The following PCDHGA5 variants were observed in gnomAD, a reference collection of about 807,000 sequenced individuals.
The protein encoded by PCDHGA5 is protocadherin gamma-A5.
In PCDHGA5, 36 loss-of-function variants were observed where a neutral mutation model predicts 56.7. That is an observed-to-expected ratio of 0.64 (90% CI 0.49 to 0.84). The LOEUF is 0.84. Ranked by LOEUF, PCDHGA5 falls within the 40% of genes least tolerant of loss-of-function variation. PCDHGA5 has a pLI of 0.00. For missense variants in PCDHGA5, 1,305 were observed against 1,201.5 expected, an observed-to-expected ratio of 1.09 and a Z score of -1.27; for synonymous variants, 563 against 520.2, an observed-to-expected ratio of 1.08 and a Z score of -1.12.
chr5:141,507,206 G>A (rs1392293998), intron 3 of PCDHGA5: 2 of 152,376 alleles, frequency 1.3e-5, no homozygotes, highest in African/African-American at 4.8e-5. Flanking sequence ...CCAGATCAGG[G>A]TTGCCAGATA....
chr5:141,485,466 T>C lies in PCDHGA5; in HGVS notation c.2422-9341T>C, dbSNP rs1485922901. ...ATCGACCGAGAGGCACTGTGTGGGC[T>C]CAGTGCCAGCTGCATCGTGCCCCTG... On this transcript the variant is annotated intron_variant, in intron 1 of 3. Transcript: ENST00000518069. The surrounding 1 kb of genome is among the most constrained non-coding windows in gnomAD (Gnocchi z 5.7). 6.2e-7 allele frequency: 1 copy of C among 1,613,868 alleles called. No individual in the cohort carries two copies. Among genetic ancestry groups the C allele is most frequent in the Non-Finnish European group, 8.5e-7 (1 of 1,179,924 alleles).
chr5:141,384,719 T>A (rs758469916), intron 1 of PCDHGA5: 1 of 1,614,100 alleles, frequency 6.2e-7, no homozygotes, highest in Non-Finnish European at 8.5e-7. Context: ...CTGTCATACC[T>A]CCTGCTTAAG....
intron 1 of PCDHGA5, among the ~76,000 whole-genome samples, chr5:141,484,730 G>T (rs1231473842): frequency 6.6e-6 from 1 of 151,728 alleles, no homozygotes; most frequent in Non-Finnish European, 1.5e-5. Context: ...GGGGTCAGTC[G>T]GTGTGTTAGG....
rs185704620 is a variant in PCDHGA5, at chr5:141,396,920, C to T, written c.2421+30169C>T. Among the ~76,000 whole-genome samples the T allele has an allele frequency of 3.3e-5, 5 of 152,316 alleles. No individual in the cohort carries two copies. In the East Asian group the frequency reaches 7.7e-4, roughly 23 times the overall value. ...TATTGGCACTTTGCAATTTTAAAAACTCGGATGAAAGTTGCCCTGGTAGGA... is the reference window on the plus strand; with the variant it reads ...TATTGGCACTTTGCAATTTTAAAAATTCGGATGAAAGTTGCCCTGGTAGGA... On this transcript the variant is annotated intron_variant, in intron 1 of 3. Transcript: ENST00000518069.
chr5:141,427,697 A>G (rs1306378691), intron 1 of PCDHGA5: 3 of 924,392 alleles, frequency 3.2e-6, no homozygotes, highest in South Asian at 1.4e-5. Context: ...CCATCCCACA[A>G]GTCAGCGCCT....
chr5:141,408,082 G>A, intron 1 of PCDHGA5: 1 of 1,417,366 alleles, frequency 7.1e-7, no homozygotes, highest in Non-Finnish European at 9.3e-7. Context: ...TCCCAGCACA[G>A]CGGATTGCCA....
intron 1 of PCDHGA5, chr5:141,440,359 G>T (rs932656332): frequency 5.3e-5 from 8 of 152,106 alleles, no homozygotes; most frequent in Non-Finnish European, 1.2e-4. Context: ...CTAGCTACTC[G>T]GGGGGCCGAG....
At chr5:141,392,837 C>T (rs772636303) in intron 1 of PCDHGA5, 1 of 1,608,294 alleles carries the variant, frequency 6.2e-7, no homozygotes. Context: ...AGAGTCGCCC[C>T]AGACGCGGCG....
At chr5:141,395,004 A>T (rs2093147678) in intron 1 of PCDHGA5, 3 of 1,614,010 alleles carry the variant, frequency 1.9e-6, no homozygotes, top group Non-Finnish European at 2.5e-6. Context: ...TTCCGGTGGC[A>T]GATTGGTAGG....
In PCDHGA5 at chr5:141,476,857, C is replaced by G. The variant is rs201408987; in HGVS notation, c.2422-17950C>G. The G allele has an allele frequency of 3.1e-6, 5 of 1,613,886 alleles. No individual in the cohort carries two copies. Among genetic ancestry groups the G allele is most frequent in the Non-Finnish European group, 4.2e-6 (5 of 1,180,046 alleles). On this transcript the variant is annotated intron_variant, in intron 1 of 3. Coordinates refer to ENST00000518069, the MANE Select transcript of PCDHGA5 (RefSeq NM_018918.3). This position sits in a 1 kb window ranked among gnomAD's most constrained non-coding sequence, Gnocchi z 7.6. Reference sequence around the variant, plus strand: ...ACAATGCGCCTGTCTTCAACCAGTCCTTGTACCGGGCGCGCGTCCTGGAGG... The same window carrying G: ...ACAATGCGCCTGTCTTCAACCAGTCGTTGTACCGGGCGCGCGTCCTGGAGG...
intron 1 of PCDHGA5, chr5:141,478,354 C>G (rs141625672): frequency 2.8e-5 from 45 of 1,613,660 alleles, no homozygotes; most frequent in Non-Finnish European, 3.2e-5. Flanking sequence ...ACGCGGACGC[C>G]GTGCGGGGAG....
At position 141,422,501 on chromosome 5, in the gene PCDHGA5, C is replaced by T. The variant is rs1343881573; in HGVS notation, c.2421+55750C>T. On this transcript the variant is annotated intron_variant, in intron 1 of 3. Coordinates refer to ENST00000518069, the MANE Select transcript of PCDHGA5 (RefSeq NM_018918.3). ...CAGAGCTACAATATAACGTTGACAGCCACAGACCAGGGAAGCCCGCCTTTG... is the reference window on the plus strand; with the variant it reads ...CAGAGCTACAATATAACGTTGACAGTCACAGACCAGGGAAGCCCGCCTTTG... 9.3e-6 allele frequency: 15 copies of T among 1,613,810 alleles called. No individual in the cohort carries two copies. The highest frequency in any genetic ancestry group is 1.3e-5 in the Non-Finnish European group (15 of 1,179,872).
chr5:141,406,079 T>C (rs570702423), intron 1 of PCDHGA5, among the ~76,000 whole-genome samples: 2 of 151,808 alleles, frequency 1.3e-5, no homozygotes, highest in South Asian at 2.1e-4. Context: ...CTCCTTTTTT[T>C]TTTTTTTTAA....
intron 1 of PCDHGA5, chr5:141,374,129 C>A: frequency 6.2e-7 from 1 of 1,603,566 alleles, no homozygotes; most frequent in South Asian, 1.1e-5. Flanking sequence ...GCAGGTCCTG[C>A]TCCTCACGCT....
intron 2 of PCDHGA5, among the ~76,000 whole-genome samples, chr5:141,501,530 G>A (rs556760554): frequency 3.5e-4 from 53 of 151,998 alleles, no homozygotes; most frequent in Admixed American, 2.2e-3. Context: ...AGCCCAGTAC[G>A]TTGTTGTGCA....
At chr5:141,460,981 GTGTATATA>G (rs1342006423) in intron 1 of PCDHGA5, among the ~76,000 whole-genome samples, 30 of 121,890 alleles carry the variant, frequency 2.5e-4, no homozygotes, top group African/African-American at 5.8e-4. Flanking sequence ...GTGTGTGTGT[GTGTATATA>G]TATATATGTG....
intron 1 of PCDHGA5, chr5:141,374,095 G>C (rs774100259): frequency 6.4e-7 from 1 of 1,556,900 alleles, no homozygotes. Context: ...TGGCGCCTCC[G>C]CAGAGGCATC....
intron 1 of PCDHGA5, chr5:141,478,432 G>T (rs1238011675): frequency 6.2e-7 from 1 of 1,613,728 alleles, no homozygotes; most frequent in Admixed American, 1.7e-5. Context: ...GCGACCCGCT[G>T]CTGAAGAAAC....
Position 141,485,448 on chromosome 5 carries a change from G to A in PCDHGA5, c.2422-9359G>A. On this transcript the variant is annotated intron_variant, in intron 1 of 3. Coordinates refer to ENST00000518069, the MANE Select transcript of PCDHGA5 (RefSeq NM_018918.3). This position sits in a 1 kb window ranked among gnomAD's most constrained non-coding sequence, Gnocchi z 5.7. ...CTGCTCATCAAGAACCCAATCGACC[G>A]AGAGGCACTGTGTGGGCTCAGTGCC... is the stretch of plus-strand genomic sequence containing the variant. 1 of 1,614,154 alleles carries A rather than the reference G, an allele frequency of 6.2e-7. No homozygotes were observed.
Sources: gnomAD v4.1 joint callset for allele counts (sites outside exome capture counted in the v4.1 genomes callset) on GRCh38, gnomAD v4.1.1 for gene constraint, Gnocchi (gnomAD v3.1) non-coding constraint, MANE v1.5 for transcripts, NCBI Gene and HGNC (gene_info 2026-07-23, HGNC 2026-07-21) for gene names.